OGA: variants seen among roughly 807,000 people sequenced by gnomAD.
OGA encodes protein O-GlcNAcase.
OGA carries 21 observed loss-of-function variants against 102.0 expected under a neutral mutation model. That is an observed-to-expected ratio of 0.21 (90% CI 0.15 to 0.30). OGA has a LOEUF of 0.30. OGA is among the 10% of genes least tolerant of loss of function. OGA has a pLI of 1.00. For missense variants in OGA, 765 were observed against 1,107.8 expected, an observed-to-expected ratio of 0.69 and a Z score of 4.39; for synonymous variants, 408 against 378.2, an observed-to-expected ratio of 1.08 and a Z score of -0.91.
chr10:101,818,098 T>C lies in OGA; in HGVS notation c.-76A>G. ...CCGTTGGGGCACCGGCCCGGAGCCCTGGAGAGGGCTTCAGCTCCAAGTGTG... is the reference window on the plus strand; with the variant it reads ...CCGTTGGGGCACCGGCCCGGAGCCCCGGAGAGGGCTTCAGCTCCAAGTGTG... On this transcript the variant is annotated 5_prime_UTR_variant, in exon 1 of 16. Coordinates refer to ENST00000361464, the MANE Select transcript of OGA (RefSeq NM_012215.5). 1 of 1,440,340 alleles carries C rather than the reference T, an allele frequency of 6.9e-7. No homozygotes were observed. The highest frequency in any genetic ancestry group is 9.1e-7 in the Non-Finnish European group (1 of 1,095,854). 89.2% of individuals were successfully genotyped at this position (1,440,340 alleles called of 1,614,324 possible).
At position 101,798,142 on chromosome 10, in the gene OGA, G is replaced by T. The variant is rs1290232120; in HGVS notation, c.1822C>A (p.Arg608=). The T allele has an allele frequency of 6.2e-7, 1 of 1,613,612 alleles. No homozygotes were observed. Among genetic ancestry groups the T allele is most frequent in the Non-Finnish European group, 8.5e-7 (1 of 1,179,860 alleles). The change falls in exon 10 of 16, where the codon CGG becomes AGG. Residue 608 remains arginine (R), a synonymous_variant. Coordinates refer to ENST00000361464, the MANE Select transcript of OGA (RefSeq NM_012215.5). The part of the protein sequence containing the change: ...GKDSEKIEEW[R]SRAAKFEEMC... Reference sequence around the variant, plus strand: ...TCTTCAAACTTGGCTGCTCGTGACCGCCATTCTTCAATCTATTGAAGATCA... The same window carrying T: ...TCTTCAAACTTGGCTGCTCGTGACCTCCATTCTTCAATCTATTGAAGATCA...
Position 101,798,948 on chromosome 10 carries a change from G to A in OGA, c.1703C>T (p.Pro568Leu). 6.2e-7 allele frequency: 1 copy of A among 1,614,186 alleles called. No homozygotes were observed. The highest frequency in any genetic ancestry group is 8.5e-7 in the Non-Finnish European group (1 of 1,180,030). ...TGCTCCTTTGGGTCCATGCTCGTAAGGAAGGTAGAATAGATCAGCAAGTAA... is the reference window on the plus strand; with the variant it reads ...TGCTCCTTTGGGTCCATGCTCGTAAAGAAGGTAGAATAGATCAGCAAGTAA... ...LQLLADLFYL[P>L]YEHGPKGAQM... Residue 568 changes from proline (P) to leucine (L), a missense_variant, in exon 9 of 16, where the codon CCT becomes CTT. Physicochemically the swap from Pro to Leu is moderately conservative, Grantham distance 98. This residue lies in a region of OGA where 281 missense variants were observed against 345.8 expected (regional missense o/e 0.81). Coordinates refer to ENST00000361464, the MANE Select transcript of OGA (RefSeq NM_012215.5).
intron 7 of OGA, among the ~76,000 whole-genome samples, chr10:101,802,422 C>A (rs1195999843): frequency 6.6e-6 from 1 of 152,212 alleles, no homozygotes; most frequent in Admixed American, 6.5e-5. Flanking sequence ...GCCTGTAATC[C>A]CAGCACTTTG....
chr10:101,804,215 T>G (rs2065436316), intron 6 of OGA, among the ~76,000 whole-genome samples, 196 bp from the exon 7 acceptor site: 1 of 151,472 alleles, frequency 6.6e-6, no homozygotes, highest in Non-Finnish European at 1.5e-5. Flanking sequence ...AAAAAAAGAA[T>G]CATGGTTCTT....
At chr10:101,799,534 A>G (rs1351854435) in intron 8 of OGA, 79 bp from the exon 9 acceptor site, 1 of 1,387,912 alleles carries the variant, frequency 7.2e-7, no homozygotes, top group Non-Finnish European at 9.8e-7. Flanking sequence ...TAGATTCAGA[A>G]AGATGCTTTA....
intron 12 of OGA, among the ~76,000 whole-genome samples, chr10:101,791,725 G>A (rs1041285297): frequency 6.6e-6 from 1 of 152,222 alleles, no homozygotes; most frequent in Non-Finnish European, 1.5e-5. Context: ...GGAGTGCAGT[G>A]GTGCAATCTC....
chr10:101,799,927 C>T (rs889962060), intron 8 of OGA, among the ~76,000 whole-genome samples: 12 of 152,130 alleles, frequency 7.9e-5, no homozygotes, highest in African/African-American at 2.4e-4. Flanking sequence ...GGCTGGAGTA[C>T]AGTGGCTCAA....
chr10:101,786,322 G>GA lies in OGA; in HGVS notation c.*128_*129insT. The GA allele has an allele frequency of 2.0e-6, 2 of 975,684 alleles. No homozygotes were observed. Among genetic ancestry groups the GA allele is most frequent in the Admixed American group, 3.1e-5 (1 of 32,736 alleles). The allele number at this position is 975,684 out of a possible 1,614,324, so 60.4% of individuals were successfully genotyped here. ...AAGTGTGATGGGTGAGTTTTACATA[G>GA]TCTTCTTTGTTTCGAATCCAATTGG... On this transcript the variant is annotated 3_prime_UTR_variant, in exon 16 of 16. Transcript: ENST00000361464.
chr10:101,808,587 ATTT>A (rs949157670), intron 4 of OGA, among the ~76,000 whole-genome samples: 4 of 152,200 alleles, frequency 2.6e-5, no homozygotes, highest in African/African-American at 9.7e-5. Flanking sequence ...ACTGCCTTAA[ATTT>A]TTTACCAGAC....
At position 101,818,381 on chromosome 10, in the gene OGA, TCCCCTCCAAG is replaced by T; in HGVS notation, c.-369_-360del. ...CGATAATCTTAGGTCTTCCGCTGTTTCCCCTCCAAGCCCCGAGCTCTCCCTCTGCTGCTGC... is the reference window on the plus strand; with the variant it reads ...CGATAATCTTAGGTCTTCCGCTGTTTCCCCGAGCTCTCCCTCTGCTGCTGC... On this transcript the variant is annotated 5_prime_UTR_variant, in exon 1 of 16. Coordinates refer to ENST00000361464, the MANE Select transcript of OGA (RefSeq NM_012215.5). The T allele has an allele frequency of 9.6e-6, 10 of 1,043,276 alleles. No homozygotes were observed. The highest frequency in any genetic ancestry group is 1.2e-5 in the Non-Finnish European group (10 of 866,580). 64.6% of individuals were successfully genotyped at this position (1,043,276 alleles called of 1,614,324 possible).
chr10:101,804,149 G>A (rs913452984), intron 6 of OGA, 130 bp from the exon 7 acceptor site: 1 of 647,572 alleles, frequency 1.5e-6, no homozygotes, highest in Admixed American at 2.6e-5. Flanking sequence ...GTTCGGACCA[G>A]CCTGGGCAAC....
intron 5 of OGA, among the ~76,000 whole-genome samples, chr10:101,806,594 G>C (rs2065477802): frequency 6.6e-6 from 1 of 152,134 alleles, no homozygotes. Context: ...ATAAAATCTG[G>C]TATTTTTCCT....
chr10:101,796,609 C>T (rs530693805), intron 10 of OGA, among the ~76,000 whole-genome samples: 29 of 152,122 alleles, frequency 1.9e-4, no homozygotes, highest in South Asian at 6.2e-4. Context: ...CTCCCTCTAT[C>T]GCCCAGGCTG....
Position 101,803,740 on chromosome 10 carries a change from A to G in OGA, c.1031T>C (p.Val344Ala). The G allele has an allele frequency of 6.2e-7, 1 of 1,613,784 alleles. No homozygotes were observed. The highest frequency in any genetic ancestry group is 1.1e-5 in the South Asian group (1 of 91,072). Residue 344 changes from valine to alanine, a missense_variant, in exon 7 of 16, where the codon GTG becomes GCG. This residue lies in a region of OGA where 33 missense variants were observed against 52.5 expected (regional missense o/e 0.63). Transcript: ENST00000361464. ...ATCAAGTACAGGCTACTTACTCATCACTACATCTTTTCTCACTCCATTCAT... is the reference window on the plus strand; with the variant it reads ...ATCAAGTACAGGCTACTTACTCATCGCTACATCTTTTCTCACTCCATTCAT... Reference protein sequence around the residue: ...SNMNGVRKDVVMTDSEDSTVS... With the variant: ...SNMNGVRKDVAMTDSEDSTVS...
intron 7 of OGA, among the ~76,000 whole-genome samples, chr10:101,802,649 A>C (rs898556668): frequency 3.0e-4 from 46 of 151,618 alleles, no homozygotes; most frequent in African/African-American, 1.0e-3. Context: ...AGCCTGGGCA[A>C]CAAGAGCAAG....
intron 11 of OGA, 56 bp downstream of exon 11, chr10:101,793,857 A>G: frequency 7.5e-7 from 1 of 1,335,532 alleles, no homozygotes; most frequent in Non-Finnish European, 1.1e-6. Context: ...TGCGCAACAT[A>G]AGGTTTCTCA....
rs1212786203 is a variant in OGA, at chr10:101,793,924, C to A, written c.2059G>T (p.Gly687Ter). Residue 687 changes from glycine to a stop codon, truncating the protein, a stop_gained, in exon 11 of 16, where the codon GGA becomes TGA. Coordinates refer to ENST00000361464, the MANE Select transcript of OGA (RefSeq NM_012215.5). LOFTEE classifies it high-confidence loss of function. ...ATTCATATTGATACCTGGAACTCTC[C>A]TGCTAGACCACCTCTAAAGGCCCAG... ...EPWAFRGGLA[G>*]EFQRLLPIDG... 1 of 1,609,732 alleles carries A rather than the reference C, an allele frequency of 6.2e-7. No homozygotes were observed. The highest frequency in any genetic ancestry group is 1.7e-5 in the Admixed American group (1 of 59,986).
Position 101,818,149 on chromosome 10 carries a change from C to A in OGA, c.-127G>T. Reference sequence around the variant, plus strand: ...CGCCCCTCCGGCTCCTTCCCCTCCCCCTCTGCCCTTCCCCCTCCCTCTCCG... The same window carrying A: ...CGCCCCTCCGGCTCCTTCCCCTCCCACTCTGCCCTTCCCCCTCCCTCTCCG... On this transcript the variant is annotated 5_prime_UTR_variant, in exon 1 of 16. Coordinates refer to ENST00000361464, the MANE Select transcript of OGA (RefSeq NM_012215.5). The A allele has an allele frequency of 2.9e-6, 4 of 1,382,300 alleles. No homozygotes were observed. The highest frequency in any genetic ancestry group is 2.8e-6 in the Non-Finnish European group (3 of 1,070,620). 85.6% of individuals were successfully genotyped at this position (1,382,300 alleles called of 1,614,324 possible).
chr10:101,799,487 G>A (rs756415728), intron 8 of OGA, 32 bp from the exon 9 acceptor site: 59 of 1,575,220 alleles, frequency 3.7e-5, no homozygotes, highest in Non-Finnish European at 4.9e-5. Context: ...TAAATAAAAT[G>A]GTCACACAGA....
Sources: allele counts gnomAD v4.1 joint callset (sites outside exome capture counted in the v4.1 genomes callset), GRCh38; gene constraint gnomAD v4.1.1; regional missense constraint gnomAD v4.1.1; transcripts MANE v1.5; gene names NCBI Gene and HGNC (gene_info 2026-07-23, HGNC 2026-07-21).